Variants in SLC24A2 observed in about 807,000 individuals in gnomAD.
The protein encoded by SLC24A2 is sodium/potassium/calcium exchanger 2.
SLC24A2 carries 36 observed loss-of-function variants against 62.0 expected under a neutral mutation model. That is an observed-to-expected ratio of 0.58 (90% CI 0.44 to 0.77). SLC24A2 has a LOEUF of 0.77. Ranked by LOEUF, SLC24A2 falls within the 30% of genes least tolerant of loss-of-function variation. The pLI is 0.00. For synonymous variants in SLC24A2, 358 were observed against 294.0 expected (o/e 1.22, Z -2.23); for missense variants, 846 against 817.9 (o/e 1.03, Z -0.42).
At chr9:20,042,047 G>C in the SLC24A2 span, among the ~76,000 whole-genome samples, 1 of 152,192 alleles carries the variant, frequency 6.6e-6, no homozygotes, top group Non-Finnish European at 1.5e-5. Context: ...ATCTTGTGGT[G>C]GGACATTTGC....
intron 2 of SLC24A2, among the ~76,000 whole-genome samples, chr9:19,636,417 TTCCTC>T: frequency 1.6e-5 from 1 of 61,442 alleles, no homozygotes; most frequent in African/African-American, 7.0e-5. Context: ...CTTTCTTTCT[TTCCTC>T]TTCTCTTCTC....
At chr9:20,125,396 C>T in the SLC24A2 span, among the ~76,000 whole-genome samples, 16,548 of 152,202 alleles carry the variant, frequency 0.11, 950 homozygotes, top group Middle Eastern at 0.17. Flanking sequence ...CTCAACTGCA[C>T]GTTGCATTAA....
chr9:20,242,265 A>T, the SLC24A2 span, among the ~76,000 whole-genome samples: 1 of 152,224 alleles, frequency 6.6e-6, no homozygotes, highest in African/African-American at 2.4e-5. Flanking sequence ...TGTAAATTAC[A>T]AAGGCTTGTG....
chr9:20,271,325 T>G, the SLC24A2 span, among the ~76,000 whole-genome samples: 1 of 152,342 alleles, frequency 6.6e-6, no homozygotes, highest in South Asian at 2.1e-4. Context: ...CCAACAGATG[T>G]CTGGGGAGTT....
the SLC24A2 span, chr9:19,957,295 G>A: frequency 6.6e-6 from 1 of 152,228 alleles, no homozygotes; most frequent in Non-Finnish European, 1.5e-5. Context: ...ACCTTTCCTA[G>A]GTCAGCGCTA....
chr9:19,551,528 C>T (rs1834845916), intron 7 of SLC24A2, among the ~76,000 whole-genome samples: 1 of 152,156 alleles, frequency 6.6e-6, no homozygotes, highest in Non-Finnish European at 1.5e-5. Context: ...AATGAAAGTG[C>T]AGCAGTGGAC....
chr9:19,642,781 A>C (rs889938321), intron 2 of SLC24A2, among the ~76,000 whole-genome samples: 15 of 144,078 alleles, frequency 1.0e-4, no homozygotes, highest in Middle Eastern at 3.5e-3. Flanking sequence ...CCCGGGTTCA[A>C]GCCATTCTTC....
chr9:19,673,489 T>C (rs1819478267), intron 2 of SLC24A2, among the ~76,000 whole-genome samples: 1 of 151,868 alleles, frequency 6.6e-6, no homozygotes, highest in Non-Finnish European at 1.5e-5. Flanking sequence ...TGCTCTGTCC[T>C]TCAGGCTGGA....
At chr9:19,692,447 G>A (rs538149875) in intron 2 of SLC24A2, among the ~76,000 whole-genome samples, 2 of 152,170 alleles carry the variant, frequency 1.3e-5, no homozygotes, top group African/African-American at 2.4e-5. Context: ...AATACCATAC[G>A]ACAAAATTGA....
intron 2 of SLC24A2, among the ~76,000 whole-genome samples, chr9:19,645,231 C>G (rs1368572263): frequency 6.6e-6 from 1 of 152,162 alleles, no homozygotes; most frequent in African/African-American, 2.4e-5. Context: ...TGAATATAAT[C>G]TATATTCGCA....
chr9:20,235,750 TCTGG>T, the SLC24A2 span, among the ~76,000 whole-genome samples: 8 of 152,204 alleles, frequency 5.3e-5, no homozygotes, highest in Non-Finnish European at 1.0e-4. Flanking sequence ...GCACCTACTG[TCTGG>T]CACTCCCCAG....
At chr9:19,984,566 T>A in the SLC24A2 span, among the ~76,000 whole-genome samples, 1 of 152,000 alleles carries the variant, frequency 6.6e-6, no homozygotes, top group Non-Finnish European at 1.5e-5. Context: ...ATTAACCAGG[T>A]GTGTTGGTAC....
chr9:19,559,907 G>A (rs1314392579), intron 7 of SLC24A2, among the ~76,000 whole-genome samples: 1 of 152,096 alleles, frequency 6.6e-6, no homozygotes, highest in African/African-American at 2.4e-5. Context: ...TGAAATATGG[G>A]AGACTGACCC....
At chr9:19,616,130 G>A (rs1817762310) in intron 4 of SLC24A2, among the ~76,000 whole-genome samples, 1 of 152,010 alleles carries the variant, frequency 6.6e-6, no homozygotes, top group South Asian at 2.1e-4. Flanking sequence ...GAGAAAATTA[G>A]AGGGTTGATG....
the SLC24A2 span, among the ~76,000 whole-genome samples, chr9:19,955,096 T>C: frequency 6.6e-6 from 1 of 152,206 alleles, no homozygotes; most frequent in Non-Finnish European, 1.5e-5. Context: ...AATATCTTTA[T>C]ATTATGCTCT....
At chr9:20,186,162 T>C in the SLC24A2 span, among the ~76,000 whole-genome samples, 35 of 152,260 alleles carry the variant, frequency 2.3e-4, no homozygotes, top group Non-Finnish European at 4.3e-4. Flanking sequence ...GGGGACTCTT[T>C]AGGAGCTCCA....
At chr9:19,677,218 G>C (rs1302283383) in intron 2 of SLC24A2, among the ~76,000 whole-genome samples, 2 of 152,212 alleles carry the variant, frequency 1.3e-5, no homozygotes, top group Non-Finnish European at 2.9e-5. Flanking sequence ...AGAAAATGTA[G>C]TACGTATACA....
chr9:20,175,189 A>G, the SLC24A2 span, among the ~76,000 whole-genome samples: 2 of 151,840 alleles, frequency 1.3e-5, no homozygotes, highest in South Asian at 2.1e-4. Context: ...AGCTATGAGG[A>G]TGTGAAGACA....
chr9:20,275,916 G>A, the SLC24A2 span, among the ~76,000 whole-genome samples: 59 of 152,126 alleles, frequency 3.9e-4, 1 homozygote, highest in Middle Eastern at 6.8e-3. Flanking sequence ...ATTCACTATC[G>A]TGAGAACAGC....
Sources: gnomAD v4.1 joint callset for allele counts (sites outside exome capture counted in the v4.1 genomes callset) on GRCh38, gnomAD v4.1.1 for gene constraint, MANE v1.5 for transcripts, NCBI Gene and HGNC (gene_info 2026-07-23, HGNC 2026-07-21) for gene names.